Variants in LIMS1 observed in about 807,000 individuals in gnomAD.
LIMS1 encodes LIM zinc finger domain containing 1.
In LIMS1, 18 loss-of-function variants were observed where a neutral mutation model predicts 44.1. That is an observed-to-expected ratio of 0.41 (90% CI 0.28 to 0.61). The LOEUF (loss-of-function observed/expected upper bound fraction) is 0.61, where lower values mean the gene tolerates loss of function less well. Among genes scored for constraint, LIMS1 ranks in the 20% least tolerant of loss-of-function variants. LIMS1 has a pLI of 0.32. For missense variants in LIMS1, 201 were observed against 422.0 expected, an observed-to-expected ratio of 0.48 and a Z score of 4.59; for synonymous variants, 93 against 149.1, an observed-to-expected ratio of 0.62 and a Z score of 2.74.
intron 1 of LIMS1, among the ~76,000 whole-genome samples, chr2:108,591,095 A>C (rs1686364274): frequency 6.6e-6 from 1 of 152,190 alleles, no homozygotes; most frequent in South Asian, 2.1e-4. Context: ...GTGATGTTGC[A>C]GTGAAGTGTT....
chr2:108,580,872 A>G (rs912395179), intron 1 of LIMS1, among the ~76,000 whole-genome samples: 1 of 152,328 alleles, frequency 6.6e-6, no homozygotes, highest in African/African-American at 2.4e-5. Context: ...TAAGCAGACC[A>G]CATTTAATTT....
chr2:108,573,505 A>ATGTTT (rs1685560721), intron 1 of LIMS1, among the ~76,000 whole-genome samples: 1 of 152,176 alleles, frequency 6.6e-6, no homozygotes, highest in Non-Finnish European at 1.5e-5. Flanking sequence ...GATCCTCAAA[A>ATGTTT]CAACCCTGCA....
chr2:108,608,663 C>T (rs1212219418), intron 1 of LIMS1, among the ~76,000 whole-genome samples: 2 of 151,692 alleles, frequency 1.3e-5, no homozygotes, highest in Non-Finnish European at 2.9e-5. Flanking sequence ...TTTTCTTTTA[C>T]AGCTATACAG....
intron 1 of LIMS1, among the ~76,000 whole-genome samples, chr2:108,610,888 A>G (rs1687561068): frequency 6.6e-6 from 1 of 152,156 alleles, no homozygotes; most frequent in African/African-American, 2.4e-5. Context: ...GATTTATAGA[A>G]AAGTTGCAGA....
chr2:108,601,137 C>G lies in LIMS1; in HGVS notation c.33-58468C>G, dbSNP rs1167884010. On this transcript the variant is annotated intron_variant, in intron 1 of 9. Coordinates refer to ENST00000544547, the Ensembl canonical transcript of LIMS1. ...CCTGAGGGGGGAAGAAAAACACACA[C>G]ACAATACCTTTAAGGGTAAACAAGC... 2.6e-5 allele frequency among the ~76,000 whole-genome samples: 4 copies of G among 152,206 alleles called. No homozygotes were observed. In the South Asian group the frequency reaches 8.3e-4, roughly 32 times the overall value.
chr2:108,672,246 C>T lies in LIMS1; in HGVS notation c.260-79C>T. 1.4e-5 allele frequency: 15 copies of T among 1,107,406 alleles called. 1 individual carries two copies. Among genetic ancestry groups the T allele is most frequent in the East Asian group, 8.8e-5 (1 of 11,348 alleles). The allele number at this position is 1,107,406 out of a possible 1,614,324, so 68.6% of individuals were successfully genotyped here. On this transcript the variant is annotated intron_variant, in intron 3 of 9. Coordinates refer to ENST00000544547, the Ensembl canonical transcript of LIMS1. ...TTTCCTCATTGTTTTTCCTTAATTACTCTCTCAGTAAATAAAGTGCCATGC... is the reference window on the plus strand; with the variant it reads ...TTTCCTCATTGTTTTTCCTTAATTATTCTCTCAGTAAATAAAGTGCCATGC...
chr2:108,660,645 G>C (rs1691296263), intron 2 of LIMS1: 2 of 257,164 alleles, frequency 7.8e-6, no homozygotes, highest in Non-Finnish European at 1.6e-5. Context: ...TGCCCAGGCT[G>C]GTCTCAAACT....
chr2:108,667,551 A>AATATAT lies in LIMS1; in HGVS notation c.193-3216_193-3211dup, dbSNP rs1553469852. ...TTCAACCTTTTTTAAAAAAAAAAAAAATATATATATATATATATACTGCTG... is the reference window on the plus strand; with the variant it reads ...TTCAACCTTTTTTAAAAAAAAAAAAAATATATATATATATATATATATATACTGCTG... On this transcript the variant is annotated intron_variant, in intron 2 of 9. Transcript: ENST00000544547. Among the ~76,000 whole-genome samples, 1,022 of 130,426 alleles carry AATATAT rather than the reference A, an allele frequency of 7.8e-3. 13 individuals carry two copies. The highest frequency in any genetic ancestry group is 0.022 in the African/African-American group (764 of 34,976). The allele number at this position is 130,426 out of a possible 152,430, so 85.6% of individuals were successfully genotyped here.
intron 1 of LIMS1, among the ~76,000 whole-genome samples, chr2:108,590,258 A>G (rs1215705452): frequency 6.6e-6 from 1 of 152,280 alleles, no homozygotes; most frequent in African/African-American, 2.4e-5. Context: ...ACACGTGTGT[A>G]TATATGTACA....
chr2:108,568,147 C>G (rs890687737), intron 1 of LIMS1, among the ~76,000 whole-genome samples: 1 of 152,154 alleles, frequency 6.6e-6, no homozygotes, highest in African/African-American at 2.4e-5. Context: ...GAACTTAACT[C>G]TTGTTTGTAT....
At chr2:108,586,059 G>A (rs1008376983) in intron 1 of LIMS1, among the ~76,000 whole-genome samples, 1 of 152,148 alleles carries the variant, frequency 6.6e-6, no homozygotes, top group African/African-American at 2.4e-5. Flanking sequence ...GGGTGTTGTG[G>A]AGGGTGCCTG....
chr2:108,630,132 A>G (rs892051710), intron 1 of LIMS1, among the ~76,000 whole-genome samples: 1 of 147,910 alleles, frequency 6.8e-6, no homozygotes, highest in African/African-American at 2.5e-5. Context: ...AGGTTAGGCT[A>G]TAGTGAGGTG....
chr2:108,648,692 A>G (rs1160093273), intron 1 of LIMS1, among the ~76,000 whole-genome samples: 1 of 152,166 alleles, frequency 6.6e-6, no homozygotes, highest in Non-Finnish European at 1.5e-5. Context: ...ATCTACAACC[A>G]TCTGATCTTT....
intron 1 of LIMS1, among the ~76,000 whole-genome samples, chr2:108,593,570 A>G (rs1686515527): frequency 6.6e-6 from 1 of 152,256 alleles, no homozygotes; most frequent in African/African-American, 2.4e-5. Flanking sequence ...AATTTAAGCC[A>G]GACTTTCAGA....
At chr2:108,637,910 G>A (rs1308297578) in intron 1 of LIMS1, among the ~76,000 whole-genome samples, 2 of 151,200 alleles carry the variant, frequency 1.3e-5, no homozygotes, top group African/African-American at 4.9e-5. Context: ...CTCCCAGGCC[G>A]GAATGCAGTG....
rs191012499 is a variant in LIMS1 at position 108,621,410 on chromosome 2, G to A, written c.33-38195G>A. The A allele has an allele frequency of 4.5e-6, 7 of 1,551,160 alleles. No homozygotes were observed. The highest frequency in any genetic ancestry group is 4.9e-5 in the East Asian group (2 of 40,918). ...CATTCAGGTCTCTACAGGAGAAGACGAGATCGCCCCGATAGTTTGAGAGTA... is the reference window on the plus strand; with the variant it reads ...CATTCAGGTCTCTACAGGAGAAGACAAGATCGCCCCGATAGTTTGAGAGTA... On this transcript the variant is annotated intron_variant, in intron 1 of 9. Transcript: ENST00000544547.
intron 2 of LIMS1, among the ~76,000 whole-genome samples, chr2:108,663,003 T>C (rs1691481888): frequency 1.3e-5 from 2 of 152,242 alleles, no homozygotes; most frequent in Admixed American, 1.3e-4. Context: ...TTCTTCCCTT[T>C]GGCCACAGAG....
At chr2:108,639,822 G>T (rs930457855) in intron 1 of LIMS1, among the ~76,000 whole-genome samples, 1 of 152,178 alleles carries the variant, frequency 6.6e-6, no homozygotes, top group Non-Finnish European at 1.5e-5. Context: ...AGGAATATGC[G>T]TGATTCTTCT....
intron 9 of LIMS1, 91 bp from the exon 10 acceptor site, chr2:108,683,794 T>C: frequency 1.7e-6 from 1 of 593,462 alleles, no homozygotes; most frequent in East Asian, 3.0e-5. Context: ...TTGCCTTCGT[T>C]TAGTTCAGTA....
Sources: gnomAD v4.1 joint callset for allele counts (sites outside exome capture counted in the v4.1 genomes callset) on GRCh38, gnomAD v4.1.1 for gene constraint, MANE v1.5 for transcripts, NCBI Gene and HGNC (gene_info 2026-07-23, HGNC 2026-07-21) for gene names.